The following NPHP3 variants were observed in gnomAD, a reference collection of about 807,000 sequenced individuals.
NPHP3 encodes nephrocystin 3.
A neutral mutation model predicts 171.9 loss-of-function variants in NPHP3; 123 were observed. The ratio of observed to expected loss-of-function variants is 0.72; its 90% confidence interval spans 0.62 to 0.83. The LOEUF is 0.83. Among genes scored for constraint, NPHP3 ranks in the 40% least tolerant of loss-of-function variants. The pLI is 0.00. For synonymous variants in NPHP3, 558 were observed against 579.2 expected, an observed-to-expected ratio of 0.96 and a Z score of 0.52; for missense variants, 1,506 against 1,591.9, an observed-to-expected ratio of 0.95 and a Z score of 0.92.
At position 132,696,790 on chromosome 3, in the gene NPHP3, A is replaced by G. The variant is rs761833505; in HGVS notation, c.2112T>C (p.Cys704=). The G allele has an allele frequency of 4.3e-6, 7 of 1,614,126 alleles. No individual in the cohort carries two copies. In the Admixed American group the frequency reaches 1.0e-4, roughly 23 times the overall value. ...KEQEKKLERH[C]RSATTCNALY... is the part of the protein sequence containing the mutation. Reference sequence around the variant, plus strand: ...GGGCATTGCAGGTTGTAGCAGAACGACAGTGTCGTTCTAGCTTCTTCTCCT... The same window carrying G: ...GGGCATTGCAGGTTGTAGCAGAACGGCAGTGTCGTTCTAGCTTCTTCTCCT... The change falls in exon 15 of 27, where the codon TGT becomes TGC. Residue 704 remains cysteine, a synonymous_variant. Coordinates refer to ENST00000337331, the MANE Select transcript of NPHP3 (RefSeq NM_153240.5).
rs778120243 is a variant in NPHP3, at chr3:132,700,384, T to C, written c.1693A>G (p.Met565Val). 3.7e-6 allele frequency: 6 copies of C among 1,613,536 alleles called. No homozygotes were observed. Among genetic ancestry groups the C allele is most frequent in the Admixed American group, 1.7e-5 (1 of 60,000 alleles). ...LILSHFVGRP[M>V]STSSESSLII... Reference sequence around the variant, plus strand: ...AAGGAGGACTCTGAGCTGGTTGACATGGGCCTTCCCACAAAATGGGAAAGA... The same window carrying C: ...AAGGAGGACTCTGAGCTGGTTGACACGGGCCTTCCCACAAAATGGGAAAGA... Residue 565 changes from methionine (M) to valine (V), a missense_variant, in exon 11 of 27, where the codon ATG becomes GTG. Around this residue, in one of 3 missense-constraint regions of NPHP3, gnomAD observed 930 missense variants for 924.9 expected, o/e 1.01. Transcript: ENST00000337331.
chr3:132,718,232 A>C, intron 3 of NPHP3: 1 of 280,320 alleles, frequency 3.6e-6, no homozygotes, highest in Non-Finnish European at 6.9e-6. Context: ...ACATTTTTCC[A>C]CTGCATTTTA....
At chr3:132,682,680 A>T in intron 26 of NPHP3, 23 bp downstream of exon 26, 1 of 1,319,206 alleles carries the variant, frequency 7.6e-7, no homozygotes, top group East Asian at 2.3e-5. Flanking sequence ...AGGCTGTATA[A>T]GGAAAGTGAA....
At chr3:132,711,164 G>C (rs1939898824) in intron 6 of NPHP3, among the ~76,000 whole-genome samples, 1 of 152,186 alleles carries the variant, frequency 6.6e-6, no homozygotes, top group Admixed American at 6.5e-5. Context: ...GTAGTCATCA[G>C]GGTAGGCGAA....
intron 26 of NPHP3, chr3:132,682,465 G>T: frequency 1.7e-6 from 1 of 573,096 alleles, no homozygotes; most frequent in Non-Finnish European, 3.1e-6. Flanking sequence ...GCCAGATGTA[G>T]TATAAACCAT....
At chr3:132,686,093 G>T in intron 23 of NPHP3, 167 bp downstream of exon 23, 1 of 629,988 alleles carries the variant, frequency 1.6e-6, no homozygotes, top group Non-Finnish European at 2.8e-6. Context: ...TAGAGAAAAT[G>T]CCATGGTCTT....
At chr3:132,696,608 CAAAT>C in intron 15 of NPHP3, 119 bp downstream of exon 15, 1 of 836,260 alleles carries the variant, frequency 1.2e-6, no homozygotes, top group South Asian at 1.4e-5. Context: ...TATCACTATT[CAAAT>C]AAAATCTGAG....
Position 132,691,240 on chromosome 3 carries a change from G to C in NPHP3, c.2522C>G (p.Thr841Ser). Reference protein sequence around the residue: ...RLEYLEGPTVTSSYRQKLINY... With the variant: ...RLEYLEGPTVSSSYRQKLINY... ...GATTAGCTTTTGCCTGTATGAAGAAGTAACAGTGGGGCCTTCCAGGTACTC... is the reference window on the plus strand; with the variant it reads ...GATTAGCTTTTGCCTGTATGAAGAACTAACAGTGGGGCCTTCCAGGTACTC... The change falls in exon 18 of 27, where the codon ACT becomes AGT. Residue 841 changes from threonine to serine, a missense_variant. Thr to Ser is a moderately conservative substitution (Grantham distance 58). Coordinates refer to ENST00000337331, the MANE Select transcript of NPHP3 (RefSeq NM_153240.5). The C allele has an allele frequency of 6.2e-7, 1 of 1,613,452 alleles. No individual in the cohort carries two copies. The highest frequency in any genetic ancestry group is 8.5e-7 in the Non-Finnish European group (1 of 1,179,546).
At chr3:132,716,429 G>A (rs2107999680) in intron 4 of NPHP3, among the ~76,000 whole-genome samples, 1 of 152,288 alleles carries the variant, frequency 6.6e-6, no homozygotes, top group African/African-American at 2.4e-5. Context: ...TATCAAAGAA[G>A]CAGAGGGAAA....
chr3:132,712,990 G>C lies in NPHP3; in HGVS notation c.1118+136C>G, dbSNP rs923518268. ...AATTATTTTATTTAAGTGTGAAACA[G>C]TTGTAGAATTTATTGAATTTCATGG... is the stretch of plus-strand genomic sequence containing the variant. On this transcript the variant is annotated intron_variant, in intron 6 of 26. Transcript: ENST00000337331. The C allele has an allele frequency of 3.8e-5, 20 of 529,174 alleles. No homozygotes were observed. The Admixed American group carries it at 6.0e-4, about 16-fold the overall frequency. The allele number at this position is 529,174 out of a possible 1,614,324, so 32.8% of individuals were successfully genotyped here. A position where few individuals can be genotyped will look rare whatever the true frequency, so the allele number is the denominator to read the frequency against.
intron 16 of NPHP3, chr3:132,693,401 T>A (rs1286431162): frequency 6.5e-6 from 1 of 153,604 alleles, no homozygotes. Context: ...AGAATTAGAT[T>A]TCTTGTCAAC....
chr3:132,686,082 G>T, intron 23 of NPHP3, 178 bp downstream of exon 23: 1 of 594,346 alleles, frequency 1.7e-6, no homozygotes, highest in Non-Finnish European at 2.9e-6. Flanking sequence ...AAGAAACACA[G>T]TAGAGAAAAT....
chr3:132,692,750 C>T lies in NPHP3; in HGVS notation c.2379G>A (p.Glu793=). ...SESELMELYP[E]MSWTFLTSLI... ...GGGAGGTCAAGAAAGTCCAGGACATCTCAGGATAGAGTTCCATCAGTTCTG... is the reference window on the plus strand; with the variant it reads ...GGGAGGTCAAGAAAGTCCAGGACATTTCAGGATAGAGTTCCATCAGTTCTG... Residue 793 remains glutamate, a synonymous_variant, in exon 17 of 27, where the codon GAG becomes GAA. Coordinates refer to ENST00000337331, the MANE Select transcript of NPHP3 (RefSeq NM_153240.5). 1 of 1,613,938 alleles carries T rather than the reference C, an allele frequency of 6.2e-7. No individual in the cohort carries two copies. The highest frequency in any genetic ancestry group is 8.5e-7 in the Non-Finnish European group (1 of 1,179,862).
rs147332157 is a variant in NPHP3, at chr3:132,681,913, C to T, written c.3990G>A (p.Arg1330=). Residue 1330 remains arginine, a synonymous_variant, in exon 27 of 27, where the codon AGG becomes AGA. Coordinates refer to ENST00000337331, the MANE Select transcript of NPHP3 (RefSeq NM_153240.5). ...SPNVFLQQGQ[R] The stretch of plus-strand genomic sequence containing the variant: ...CAAAGAATTCTAACTGCTGCTATTA[C>T]CTTTGTCCTTGCTGAAGGAAAACAT... 40 of 1,613,166 alleles carry T rather than the reference C, an allele frequency of 2.5e-5. No individual in the cohort carries two copies. In the African/African-American group the frequency reaches 4.0e-4, roughly 16 times the overall value.
chr3:132,687,127 A>T (rs763289914), intron 22 of NPHP3, 24 bp downstream of exon 22: 1 of 1,192,354 alleles, frequency 8.4e-7, no homozygotes, highest in Non-Finnish European at 1.3e-6. Context: ...TTCAAAACAC[A>T]ACACAAAAGA....
rs1939026372 is a variant in NPHP3 at position 132,681,487 on chromosome 3, C to T, written c.*423G>A. ...TTCACCATGTTGGCCAGGCTGGTCTCCAACTCCTGGCCTCAAGTGATCCTC... is the reference window on the plus strand; with the variant it reads ...TTCACCATGTTGGCCAGGCTGGTCTTCAACTCCTGGCCTCAAGTGATCCTC... On this transcript the variant is annotated 3_prime_UTR_variant, in exon 27 of 27. Transcript: ENST00000337331. 1 of 203,284 alleles carries T rather than the reference C, an allele frequency of 4.9e-6. No homozygotes were observed. The highest frequency in any genetic ancestry group is 2.4e-5 in the African/African-American group (1 of 41,996). 12.6% of individuals were successfully genotyped at this position (203,284 alleles called of 1,614,324 possible).
At position 132,714,948 on chromosome 3, in the gene NPHP3, C is replaced by T. The variant is rs934117696; in HGVS notation, c.957+137G>A. ...GAACAATATTTTCTCTTAAGAAAAGCCCAAGACGCTTCCTGTTCTTTAAGA... is the reference window on the plus strand; with the variant it reads ...GAACAATATTTTCTCTTAAGAAAAGTCCAAGACGCTTCCTGTTCTTTAAGA... On this transcript the variant is annotated intron_variant, in intron 5 of 26. Coordinates refer to ENST00000337331, the MANE Select transcript of NPHP3 (RefSeq NM_153240.5). 1.2e-5 allele frequency: 8 copies of T among 671,068 alleles called. 1 individual carries two copies. The highest frequency in any genetic ancestry group is 2.8e-5 in the Admixed American group (1 of 36,340). 41.6% of individuals were successfully genotyped at this position (671,068 alleles called of 1,614,324 possible).
At chr3:132,705,839 A>G (rs761093355) in intron 7 of NPHP3, 25 bp from the exon 8 acceptor site, 12 of 1,276,072 alleles carry the variant, frequency 9.4e-6, no homozygotes, top group Non-Finnish European at 1.1e-5. Context: ...TTTAAGAACA[A>G]TGAGAAAAAC....
rs1020541456 is a variant in NPHP3, at chr3:132,699,333, A to G, written c.1985+20T>C. 6.6e-7 allele frequency: 1 copy of G among 1,517,104 alleles called. No homozygotes were observed. Among genetic ancestry groups the G allele is most frequent in the African/African-American group, 1.4e-5 (1 of 73,088 alleles). The allele number at this position is 1,517,104 out of a possible 1,614,324, so 94.0% of individuals were successfully genotyped here. A position where few individuals can be genotyped will look rare whatever the true frequency, so the allele number is the denominator to read the frequency against. On this transcript the variant is annotated intron_variant, in intron 13 of 26. Coordinates refer to ENST00000337331, the MANE Select transcript of NPHP3 (RefSeq NM_153240.5). ...TAAAACATTTCATGTACTCTGAAAGAACTAAAGTTGGCATCGTACCTCCAT... is the reference window on the plus strand; with the variant it reads ...TAAAACATTTCATGTACTCTGAAAGGACTAAAGTTGGCATCGTACCTCCAT...
Sources: allele counts gnomAD v4.1 joint callset (sites outside exome capture counted in the v4.1 genomes callset), GRCh38; gene constraint gnomAD v4.1.1; regional missense constraint gnomAD v4.1.1; transcripts MANE v1.5; gene names NCBI Gene and HGNC (gene_info 2026-07-23, HGNC 2026-07-21).